Variants in PLD5 observed in about 807,000 individuals in gnomAD.
PLD5 encodes the protein phospholipase D family member 5.
In PLD5, 36 loss-of-function variants were observed where a neutral mutation model predicts 61.1. The observed-to-expected ratio is 0.59, with a 90% CI of 0.45 to 0.78. The LOEUF (loss-of-function observed/expected upper bound fraction) is 0.78. Ranked by LOEUF, PLD5 falls within the 30% of genes least tolerant of loss-of-function variation. The pLI is 0.00. For missense variants in PLD5, 515 were observed against 644.4 expected (o/e 0.80, Z 2.17); for synonymous variants, 243 against 242.8 (o/e 1.00, Z -0.01).
At position 242,411,648 on chromosome 1, in the gene PLD5, A is replaced by G. The variant is rs1280055925; in HGVS notation, c.190-63406T>C. On this transcript the variant is annotated intron_variant, in intron 1 of 9. Coordinates refer to ENST00000536534, the MANE Select transcript of PLD5 (RefSeq NM_001372062.1). Reference sequence around the variant, plus strand: ...GGAATTTTATAGGATGATTTTGACCATTTGCAATGTTTTAATTGAAATTTT... The same window carrying G: ...GGAATTTTATAGGATGATTTTGACCGTTTGCAATGTTTTAATTGAAATTTT... Among the ~76,000 whole-genome samples the G allele has an allele frequency of 2.0e-5, 3 of 152,302 alleles. No homozygotes were observed. In the East Asian group the frequency reaches 5.8e-4, roughly 29 times the overall value.
intron 2 of PLD5, among the ~76,000 whole-genome samples, chr1:242,321,487 T>A (rs1422948637): frequency 6.6e-6 from 1 of 152,192 alleles, no homozygotes; most frequent in Non-Finnish European, 1.5e-5. Context: ...TATATTTTAG[T>A]AGAGACGGTG....
intron 5 of PLD5, among the ~76,000 whole-genome samples, chr1:242,129,968 T>C (rs767265349): frequency 9.2e-5 from 14 of 152,214 alleles, no homozygotes; most frequent in Non-Finnish European, 1.9e-4. Flanking sequence ...ATAAAAGACA[T>C]GATTTCATTC....
At chr1:242,365,113 G>T (rs1661270662) in intron 1 of PLD5, 1 of 152,146 alleles carries the variant, frequency 6.6e-6, no homozygotes, top group African/African-American at 2.4e-5. Flanking sequence ...ATTTATCAGT[G>T]CAGATAAAAT....
intron 2 of PLD5, among the ~76,000 whole-genome samples, chr1:242,300,727 T>TGG (rs1202499801): frequency 6.6e-6 from 1 of 151,110 alleles, no homozygotes. Context: ...TGACCCCTGA[T>TGG]GTTTGTCAGA....
At chr1:242,135,157 G>A (rs1244593207) in intron 5 of PLD5, among the ~76,000 whole-genome samples, 2 of 152,072 alleles carry the variant, frequency 1.3e-5, no homozygotes, top group Non-Finnish European at 2.9e-5. Context: ...GTTTGTGTGT[G>A]TATACAGACA....
At chr1:242,486,796 G>T (rs1484908967) in intron 1 of PLD5, among the ~76,000 whole-genome samples, 8 of 152,128 alleles carry the variant, frequency 5.3e-5, no homozygotes, top group African/African-American at 1.7e-4. Flanking sequence ...CAATAGCAAA[G>T]ACTTGGAACC....
At position 242,190,770 on chromosome 1, in the gene PLD5, T is replaced by C. The variant is rs541729331; in HGVS notation, c.735+29218A>G. Among the ~76,000 whole-genome samples the C allele has an allele frequency of 5.3e-4, 80 of 151,994 alleles. 2 individuals carry two copies. The South Asian group carries it at 0.016, about 30-fold the overall frequency. ...AAAAATAGAAAAATCCCATACAAGATGGCTATGTCTATTGTTACAGAATCC... is the reference window on the plus strand; with the variant it reads ...AAAAATAGAAAAATCCCATACAAGACGGCTATGTCTATTGTTACAGAATCC... On this transcript the variant is annotated intron_variant, in intron 5 of 9. Transcript: ENST00000536534.
intron 5 of PLD5, among the ~76,000 whole-genome samples, chr1:242,159,917 T>C (rs1185702826): frequency 6.6e-6 from 1 of 152,174 alleles, no homozygotes; most frequent in Non-Finnish European, 1.5e-5. Flanking sequence ...TTTCTCCTTG[T>C]GTCTATATTC....
intron 4 of PLD5, among the ~76,000 whole-genome samples, chr1:242,244,817 C>G (rs1201381706): frequency 6.6e-6 from 1 of 152,186 alleles, no homozygotes; most frequent in Non-Finnish European, 1.5e-5. Context: ...TTGGACAAAG[C>G]TATCTTTTTC....
intron 1 of PLD5, among the ~76,000 whole-genome samples, chr1:242,443,369 T>G (rs1229365957): frequency 6.6e-6 from 1 of 152,196 alleles, no homozygotes; most frequent in Non-Finnish European, 1.5e-5. Flanking sequence ...CAAATAGATA[T>G]GCTCTCCTTA....
At chr1:242,467,700 G>A (rs1424913647) in intron 1 of PLD5, among the ~76,000 whole-genome samples, 4 of 152,200 alleles carry the variant, frequency 2.6e-5, no homozygotes, top group African/African-American at 9.7e-5. Context: ...GCGTTCCTAA[G>A]ACACAATCAT....
At position 242,088,579 on chromosome 1, in the gene PLD5, C is replaced by T. The variant is rs1395549490; in HGVS notation, c.*1275G>A. 1.3e-5 allele frequency: 2 copies of T among 152,122 alleles called. No homozygotes were observed. The highest frequency in any genetic ancestry group is 1.3e-4 in the Admixed American group (2 of 15,256). The allele number at this position is 152,122 out of a possible 1,614,324, so 9.4% of individuals were successfully genotyped here. On this transcript the variant is annotated 3_prime_UTR_variant, in exon 10 of 10. Coordinates refer to ENST00000536534, the MANE Select transcript of PLD5 (RefSeq NM_001372062.1). ...AAGCCCGAGGCCAAGCAGTGAGGGG[C>T]TCCGCTTTGAGTCACAGAGTCGGGA...
chr1:242,204,421 C>A (rs1459887580), intron 5 of PLD5, among the ~76,000 whole-genome samples: 5 of 152,136 alleles, frequency 3.3e-5, no homozygotes, highest in Non-Finnish European at 4.4e-5. Flanking sequence ...AGTCCATGCC[C>A]CTTGACCGGG....
rs376513750 is a variant in PLD5, at chr1:242,455,417, T to C, written c.189+68671A>G. On this transcript the variant is annotated intron_variant, in intron 1 of 9. Transcript: ENST00000536534. ...GGACCGTCCCAAGTAAGAAGTCTTC[T>C]GAGGCAGGTTGCCAAAGAGATTTAG... Among the ~76,000 whole-genome samples, 6 of 152,356 alleles carry C rather than the reference T, an allele frequency of 3.9e-5. No individual in the cohort carries two copies. The East Asian group carries it at 9.6e-4, about 24-fold the overall frequency.
At chr1:242,418,234 G>C (rs1313195929) in intron 1 of PLD5, among the ~76,000 whole-genome samples, 1 of 152,180 alleles carries the variant, frequency 6.6e-6, no homozygotes, top group African/African-American at 2.4e-5. Context: ...TGAGCAACTG[G>C]AAGGATAGAC....
chr1:242,149,776 G>T (rs774863908), intron 5 of PLD5, among the ~76,000 whole-genome samples: 1 of 151,338 alleles, frequency 6.6e-6, no homozygotes, highest in Non-Finnish European at 1.5e-5. Context: ...AGTTATTCAT[G>T]GTTTCTCCTC....
chr1:242,155,206 AT>A (rs912241541), intron 5 of PLD5, among the ~76,000 whole-genome samples: 7 of 151,700 alleles, frequency 4.6e-5, no homozygotes, highest in East Asian at 1.9e-4. Flanking sequence ...CCCCTGTATA[AT>A]TTTTTTTGTG....
Position 242,245,209 on chromosome 1 carries a change from A to C in PLD5, c.607+20128T>G, listed in dbSNP as rs116199031. On this transcript the variant is annotated intron_variant, in intron 4 of 9. Transcript: ENST00000536534. ...TTAGAGAAGGTTAATTTAAAAGATAAGCACAATTTACATGTAAGGAAACAT... is the reference window on the plus strand; with the variant it reads ...TTAGAGAAGGTTAATTTAAAAGATACGCACAATTTACATGTAAGGAAACAT... Among the ~76,000 whole-genome samples the C allele has an allele frequency of 8.7e-3, 1,329 of 152,342 alleles. 16 individuals carry two copies. Among genetic ancestry groups the C allele is most frequent in the Non-Finnish European group, 0.013 (899 of 68,042 alleles).
intron 1 of PLD5, among the ~76,000 whole-genome samples, chr1:242,449,743 C>T (rs1206417819): frequency 6.6e-6 from 1 of 152,174 alleles, no homozygotes. Context: ...CTCAAGCTGA[C>T]CCAGGGGAGG....
Sources: gnomAD v4.1 joint callset for allele counts (sites outside exome capture counted in the v4.1 genomes callset) on GRCh38, gnomAD v4.1.1 for gene constraint, MANE v1.5 for transcripts, NCBI Gene and HGNC (gene_info 2026-07-23, HGNC 2026-07-21) for gene names.